Variants in NFAT5 observed in about 807,000 individuals in gnomAD.
The protein encoded by NFAT5 is nuclear factor of activated T cells 5, also known as nuclear factor of activated T-cells 5.
Under a neutral mutation model 166.5 loss-of-function variants are expected in NFAT5, and 31 were observed. The ratio of observed to expected loss-of-function variants is 0.19; its 90% CI spans 0.14 to 0.25. The LOEUF (loss-of-function observed/expected upper bound fraction) is 0.25. Ranked by LOEUF, NFAT5 falls within the 10% of genes least tolerant of loss-of-function variation. NFAT5 has a pLI of 1.00. For synonymous variants in NFAT5, 612 were observed against 639.7 expected (o/e 0.96, Z 0.65); for missense variants, 1,449 against 1,821.8 (o/e 0.80, Z 3.72).
At chr16:69,683,767 G>C (rs2037168633) in intron 10 of NFAT5, among the ~76,000 whole-genome samples, 1 of 151,860 alleles carries the variant, frequency 6.6e-6, no homozygotes, top group South Asian at 2.1e-4. Flanking sequence ...ACCCAGCTTG[G>C]CCAGCACGGT....
chr16:69,598,331 T>C (rs1238246628), intron 2 of NFAT5, among the ~76,000 whole-genome samples: 3 of 149,842 alleles, frequency 2.0e-5, no homozygotes, highest in Non-Finnish European at 4.4e-5. Flanking sequence ...TGAGCCATGA[T>C]TGCACCACTG....
At chr16:69,676,931 G>A (rs537878817) in intron 9 of NFAT5, 65 of 322,994 alleles carry the variant, frequency 2.0e-4, no homozygotes, top group Non-Finnish European at 3.0e-4. Context: ...GGTCAGTGTG[G>A]CTACAGTGTA....
intron 10 of NFAT5, among the ~76,000 whole-genome samples, chr16:69,678,617 C>T (rs550720342): frequency 1.2e-4 from 18 of 152,254 alleles, no homozygotes; most frequent in African/African-American, 3.1e-4. Flanking sequence ...CTCCTTTTGG[C>T]AGAAATGGGG....
chr16:69,692,953 C>T lies in NFAT5; in HGVS notation c.3128C>T (p.Ser1043Leu). 1 of 1,614,038 alleles carries T rather than the reference C, an allele frequency of 6.2e-7. No homozygotes were observed. Among genetic ancestry groups the T allele is most frequent in the South Asian group, 1.1e-5 (1 of 91,070 alleles). ...GDNQPQVNLF[S>L]STKSMMSVQN... The stretch of plus-strand genomic sequence containing the variant: ...AATCAACCTCAAGTTAACCTTTTTT[C>T]ATCCACAAAAAGTATGATGAGTGTT... Residue 1043 changes from serine to leucine, a missense_variant, in exon 13 of 15, where the codon TCA (serine) becomes TTA (leucine). By Grantham distance (145) the Ser-to-Leu change is moderately radical. Transcript: ENST00000349945.
chr16:69,568,342 A>ATGTGTGTGTGTGTG (rs1490882720), intron 1 of NFAT5, among the ~76,000 whole-genome samples, 153 bp from the exon 2 acceptor site: 34 of 47,936 alleles, frequency 7.1e-4, no homozygotes, highest in South Asian at 2.7e-3. Context: ...GTGTATATAT[A>ATGTGTGTGTGTGTG]TATATGTGTG....
chr16:69,587,681 G>T (rs898437382), intron 2 of NFAT5, among the ~76,000 whole-genome samples: 1 of 152,086 alleles, frequency 6.6e-6, no homozygotes, highest in Non-Finnish European at 1.5e-5. Flanking sequence ...GAGCCACTGT[G>T]CCCAGCCTAA....
chr16:69,671,915 A>G (rs957811135), intron 9 of NFAT5, among the ~76,000 whole-genome samples: 1 of 152,200 alleles, frequency 6.6e-6, no homozygotes, highest in Non-Finnish European at 1.5e-5. Flanking sequence ...CCATGCAGCT[A>G]CCTTTGGTCT....
chr16:69,659,906 A>T lies in NFAT5; in HGVS notation c.1369+7A>T. On this transcript the variant is annotated splice_region_variant and intron_variant, in intron 7 of 14. Coordinates refer to ENST00000349945, the MANE Select transcript of NFAT5 (RefSeq NM_138713.4). ...TCTTCTCCAATTTTGTGTAGTAAGT[A>T]AGAAGATACGGAGATACTAAACATA... 1 of 1,597,520 alleles carries T rather than the reference A, an allele frequency of 6.3e-7. No individual in the cohort carries two copies. Among genetic ancestry groups the T allele is most frequent in the Non-Finnish European group, 8.5e-7 (1 of 1,170,168 alleles).
rs34890522 is a variant in NFAT5, at chr16:69,700,952, CTT to C, written c.*4613_*4614del. The stretch of plus-strand genomic sequence containing the variant: ...TCCCAGTGCTCTAGTTACTTTACTT[CTT>C]TTTTTTTTTTTGAGATGGAGTCTTG... On this transcript the variant is annotated 3_prime_UTR_variant, in exon 15 of 15. Transcript: ENST00000349945. 3 of 144,860 alleles carry C rather than the reference CTT, an allele frequency of 2.1e-5. No individual in the cohort carries two copies. Among genetic ancestry groups the C allele is most frequent in the Middle Eastern group, 3.6e-3 (1 of 276 alleles). 9.0% of individuals were successfully genotyped at this position (144,860 alleles called of 1,614,324 possible). A position where few individuals can be genotyped will look rare whatever the true frequency, so the allele number is the denominator to read the frequency against.
chr16:69,661,539 T>TAAAAAAAA (rs1037382239), intron 7 of NFAT5, among the ~76,000 whole-genome samples: 385 of 37,910 alleles, frequency 0.01, 23 homozygotes, highest in Middle Eastern at 0.038. Flanking sequence ...CCCAGTCTCT[T>TAAAAAAAA]AAAAAAAAAA....
chr16:69,585,745 A>G (rs1182498697), intron 2 of NFAT5, among the ~76,000 whole-genome samples: 5 of 152,230 alleles, frequency 3.3e-5, no homozygotes, highest in Non-Finnish European at 7.3e-5. Flanking sequence ...CAAATATTGT[A>G]TGATTCCATT....
intron 10 of NFAT5, among the ~76,000 whole-genome samples, chr16:69,678,524 A>G (rs2036927033): frequency 6.6e-6 from 1 of 152,112 alleles, no homozygotes; most frequent in South Asian, 2.1e-4. Context: ...TAAAATGTTC[A>G]AAGTTTAGAA....
chr16:69,596,008 G>A (rs567832689), intron 2 of NFAT5, among the ~76,000 whole-genome samples: 1 of 152,232 alleles, frequency 6.6e-6, no homozygotes, highest in African/African-American at 2.4e-5. Flanking sequence ...GAATGGTGTT[G>A]TATTTAAAAT....
At chr16:69,648,324 A>AT in intron 4 of NFAT5, 1 of 983,990 alleles carries the variant, frequency 1.0e-6, no homozygotes, top group Middle Eastern at 5.2e-4. Flanking sequence ...TTTAGACTTA[A>AT]TTTTTTTCTC....
intron 2 of NFAT5, among the ~76,000 whole-genome samples, chr16:69,610,748 T>G (rs915450352): frequency 6.6e-6 from 1 of 152,364 alleles, no homozygotes; most frequent in African/African-American, 2.4e-5. Flanking sequence ...CTAAAATTCT[T>G]GCTTTTAATG....
intron 7 of NFAT5, among the ~76,000 whole-genome samples, chr16:69,669,513 C>G (rs2036539876): frequency 6.6e-6 from 1 of 151,994 alleles, no homozygotes; most frequent in Non-Finnish European, 1.5e-5. Context: ...CCTCTGCATT[C>G]TAGCCTGGGC....
Position 69,684,869 on chromosome 16 carries a change from T to C in NFAT5, c.1691-18T>C, listed in dbSNP as rs2037222956. On this transcript the variant is annotated intron_variant, in intron 10 of 14. Transcript: ENST00000349945. ...GATGAGTAAATGTAGATAAATACAT[T>C]AATCTTTTTTTTAATAGCAGCAGCT... The C allele has an allele frequency of 6.4e-7, 1 of 1,564,252 alleles. No homozygotes were observed. Among genetic ancestry groups the C allele is most frequent in the Non-Finnish European group, 8.7e-7 (1 of 1,148,232 alleles).
chr16:69,582,596 C>G (rs1401705869), intron 2 of NFAT5, among the ~76,000 whole-genome samples: 1 of 149,896 alleles, frequency 6.7e-6, no homozygotes, highest in African/African-American at 2.5e-5. Flanking sequence ...GTTGCCTGAG[C>G]ACTATTTGTT....
intron 4 of NFAT5, among the ~76,000 whole-genome samples, chr16:69,651,280 G>A (rs1025082916): frequency 6.6e-6 from 1 of 152,156 alleles, no homozygotes; most frequent in African/African-American, 2.4e-5. Context: ...ACAGTATTGC[G>A]CCTTGAGAAC....
Sources: gnomAD v4.1 joint callset for allele counts (sites outside exome capture counted in the v4.1 genomes callset) on GRCh38, gnomAD v4.1.1 for gene constraint, MANE v1.5 for transcripts, NCBI Gene and HGNC (gene_info 2026-07-23, HGNC 2026-07-21) for gene names.